Variants in PHETA1 observed in about 807,000 individuals in gnomAD.
The protein encoded by PHETA1 is sesquipedalian-1.
For missense variants in PHETA1, 348 were observed against 373.5 expected (o/e 0.93, Z 0.56); for synonymous variants, 155 against 168.9 (o/e 0.92, Z 0.64).
In PHETA1 at chr12:111,363,280, C is replaced by T. The variant is rs1335840502; in HGVS notation, c.148G>A (p.Glu50Lys). 3.7e-6 allele frequency: 6 copies of T among 1,613,008 alleles called. No homozygotes were observed. Among genetic ancestry groups the T allele is most frequent in the African/African-American group, 1.3e-5 (1 of 74,938 alleles). ...VLRGNMLFYF[E>K]DAASREPVGV... ...ACGGGCTCACGGCTGGCAGCGTCCT[C>T]GAAGTAGAAGAGCATGTTCCCGCGC... The change falls in exon 3 of 3, where the codon GAG becomes AAG. Residue 50 changes from glutamate (E) to lysine (K), a missense_variant. Glu to Lys is a moderately conservative substitution (Grantham distance 56). Transcript: ENST00000683047. The surrounding 1 kb of genome is among the most constrained non-coding windows in gnomAD (Gnocchi z 7.4).
In PHETA1 at chr12:111,362,497, G is replaced by C; in HGVS notation, c.*181C>G. 6.9e-7 allele frequency: 1 copy of C among 1,452,736 alleles called. No individual in the cohort carries two copies. The highest frequency in any genetic ancestry group is 9.1e-7 in the Non-Finnish European group (1 of 1,094,694). 90.0% of individuals were successfully genotyped at this position (1,452,736 alleles called of 1,614,324 possible). ...CCTTCTGGGTCACATGGTCCTAAAG[G>C]CCCACTCAGAATCCAGCACCTTCTC... is the stretch of plus-strand genomic sequence containing the variant. On this transcript the variant is annotated 3_prime_UTR_variant, in exon 3 of 3. Transcript: ENST00000683047.
chr12:111,362,102 C>T lies in PHETA1; in HGVS notation c.*576G>A, dbSNP rs1264922913. On this transcript the variant is annotated 3_prime_UTR_variant, in exon 3 of 3. Transcript: ENST00000683047. ...TCCGGTCCTGCACTAACACCTGCACCTGTGTCCCCAGTCACTACCCTCCCA... is the reference window on the plus strand; with the variant it reads ...TCCGGTCCTGCACTAACACCTGCACTTGTGTCCCCAGTCACTACCCTCCCA... 11 of 430,366 alleles carry T rather than the reference C, an allele frequency of 2.6e-5. No homozygotes were observed. Among genetic ancestry groups the T allele is most frequent in the South Asian group, 1.8e-4 (11 of 60,598 alleles). The allele number at this position is 430,366 out of a possible 1,614,324, so 26.7% of individuals were successfully genotyped here.
At position 111,368,921 on chromosome 12, in the gene PHETA1, C is replaced by T. The variant is rs1593009052; in HGVS notation, c.-191G>A. 6.6e-6 allele frequency: 1 copy of T among 152,512 alleles called. No individual in the cohort carries two copies. Among genetic ancestry groups the T allele is most frequent in the Non-Finnish European group, 1.5e-5 (1 of 68,158 alleles). 9.4% of individuals were successfully genotyped at this position (152,512 alleles called of 1,614,324 possible). A position where few individuals can be genotyped will look rare whatever the true frequency, so the allele number is the denominator to read the frequency against. On this transcript the variant is annotated 5_prime_UTR_variant, in exon 1 of 3. Transcript: ENST00000683047. The surrounding 1 kb of genome is among the most constrained non-coding windows in gnomAD (Gnocchi z 5.0). Reference sequence around the variant, plus strand: ...GCCAGGCCCGCCTTACCTCGCAGCGCAGGCCTAGGGCGGCGACGGGACGGG... The same window carrying T: ...GCCAGGCCCGCCTTACCTCGCAGCGTAGGCCTAGGGCGGCGACGGGACGGG...
At position 111,362,808 on chromosome 12, in the gene PHETA1, G is replaced by T; in HGVS notation, c.620C>A (p.Pro207Gln). Residue 207 changes from proline to glutamine, a missense_variant, in exon 3 of 3, where the codon CCG becomes CAG. Transcript: ENST00000683047. ...FRPGPEPPPP[P>Q]PRRRASAPHG... ...GGGTGCCGAGGCCCGGCGGCGAGGC[G>T]GTGGTGGAGGGGGCTCGGGTCCAGG... is the stretch of plus-strand genomic sequence containing the variant. 1 of 1,539,076 alleles carries T rather than the reference G, an allele frequency of 6.5e-7. No homozygotes were observed.
At position 111,361,729 on chromosome 12, in the gene PHETA1, C is replaced by A; in HGVS notation, c.*949G>T. The A allele has an allele frequency of 2.8e-6, 1 of 359,380 alleles. No individual in the cohort carries two copies. Among genetic ancestry groups the A allele is most frequent in the South Asian group, 2.1e-5 (1 of 48,510 alleles). The allele number at this position is 359,380 out of a possible 1,614,324, so 22.3% of individuals were successfully genotyped here. A position where few individuals can be genotyped will look rare whatever the true frequency, so the allele number is the denominator to read the frequency against. On this transcript the variant is annotated 3_prime_UTR_variant, in exon 3 of 3. Transcript: ENST00000683047. ...CACACTCGGTGTGCGGCTTTTTCTCCGCCACTAGGTCAGCACCTGGGCCTT... is the reference window on the plus strand; with the variant it reads ...CACACTCGGTGTGCGGCTTTTTCTCAGCCACTAGGTCAGCACCTGGGCCTT...
In PHETA1 at chr12:111,363,767, C is replaced by A; in HGVS notation, c.-36-304G>T. 1 of 1,428,636 alleles carries A rather than the reference C, an allele frequency of 7.0e-7. No homozygotes were observed. Among genetic ancestry groups the A allele is most frequent in the South Asian group, 1.2e-5 (1 of 82,054 alleles). 88.5% of individuals were successfully genotyped at this position (1,428,636 alleles called of 1,614,324 possible). A position where few individuals can be genotyped will look rare whatever the true frequency, so the allele number is the denominator to read the frequency against. ...AGAGGAATGAACTCACTTTATCTCA[C>A]AATAGACCTTAGGTCACAGGGACTG... On this transcript the variant is annotated intron_variant, in intron 2 of 2. Transcript: ENST00000683047. The surrounding 1 kb of genome is among the most constrained non-coding windows in gnomAD (Gnocchi z 7.4).
intron 2 of PHETA1, among the ~76,000 whole-genome samples, chr12:111,364,998 G>A (rs1389025131): frequency 6.6e-6 from 1 of 152,166 alleles, no homozygotes; most frequent in African/African-American, 2.4e-5. Context: ...GAGGGGCAGG[G>A]GGTCGACCCG....
chr12:111,365,311 G>A (rs1868963746), intron 2 of PHETA1, among the ~76,000 whole-genome samples: 1 of 152,208 alleles, frequency 6.6e-6, no homozygotes, highest in Non-Finnish European at 1.5e-5. Context: ...CCTGGGTGGT[G>A]TCTTTCTCAG....
In PHETA1 at chr12:111,363,362, G is replaced by A. The variant is rs764762942; in HGVS notation, c.66C>T (p.Gly22=). 6.2e-7 allele frequency: 1 copy of A among 1,613,164 alleles called. No homozygotes were observed. The highest frequency in any genetic ancestry group is 1.3e-5 in the African/African-American group (1 of 75,060). The change falls in exon 3 of 3, where the codon GGC becomes GGT. Residue 22 remains glycine (G), a synonymous_variant. Coordinates refer to ENST00000683047, the MANE Select transcript of PHETA1 (RefSeq NM_144671.6). This position sits in a 1 kb window ranked among gnomAD's most constrained non-coding sequence, Gnocchi z 7.4. ...ATCDAPVDNA[G]FLYKKGGRHA... ...GCCGCCCACCCTTCTTGTACAGGAA[G>A]CCTGCATTGTCCACCGGGGCGTCAC...
At position 111,362,484 on chromosome 12, in the gene PHETA1, C is replaced by T. The variant is rs1323507934; in HGVS notation, c.*194G>A. The T allele has an allele frequency of 7.2e-7, 1 of 1,392,958 alleles. No homozygotes were observed. The allele number at this position is 1,392,958 out of a possible 1,614,324, so 86.3% of individuals were successfully genotyped here. ...CCTCAAGGGTAGGCCTTCTGGGTCA[C>T]ATGGTCCTAAAGGCCCACTCAGAAT... is the stretch of plus-strand genomic sequence containing the variant. On this transcript the variant is annotated 3_prime_UTR_variant, in exon 3 of 3. Coordinates refer to ENST00000683047, the MANE Select transcript of PHETA1 (RefSeq NM_144671.6).
In PHETA1 at chr12:111,361,528, C is replaced by T. The variant is rs905181890; in HGVS notation, c.*1150G>A. ...GGGTGAGGGCCAGGAGGTGTCCCAG[C>T]CCCGAGGTTCTCCCTGGATGAAAAA... On this transcript the variant is annotated 3_prime_UTR_variant, in exon 3 of 3. Coordinates refer to ENST00000683047, the MANE Select transcript of PHETA1 (RefSeq NM_144671.6). The T allele has an allele frequency of 8.6e-6, 2 of 231,670 alleles. No homozygotes were observed. Among genetic ancestry groups the T allele is most frequent in the African/African-American group, 4.5e-5 (2 of 44,260 alleles). 14.4% of individuals were successfully genotyped at this position (231,670 alleles called of 1,614,324 possible).
In PHETA1 at chr12:111,368,005, A is replaced by T. The variant is rs1375869283; in HGVS notation, c.-182+907T>A. Among the ~76,000 whole-genome samples the T allele has an allele frequency of 6.6e-6, 1 of 152,196 alleles. No homozygotes were observed. Among genetic ancestry groups the T allele is most frequent in the Non-Finnish European group, 1.5e-5 (1 of 68,030 alleles). On this transcript the variant is annotated intron_variant, in intron 1 of 2. Transcript: ENST00000683047. This position sits in a 1 kb window ranked among gnomAD's most constrained non-coding sequence, Gnocchi z 5.0. ...AAGTCTCAGTGTCCTCATCTGTTAA[A>T]TTGGGCTGTGTGGCGAGGGTTCATG...
At position 111,362,647 on chromosome 12, in the gene PHETA1, G is replaced by T. The variant is rs1197076835; in HGVS notation, c.*31C>A. The T allele has an allele frequency of 3.9e-6, 6 of 1,549,094 alleles. No homozygotes were observed. Among genetic ancestry groups the T allele is most frequent in the African/African-American group, 1.4e-5 (1 of 73,188 alleles). On this transcript the variant is annotated 3_prime_UTR_variant, in exon 3 of 3. Coordinates refer to ENST00000683047, the MANE Select transcript of PHETA1 (RefSeq NM_144671.6). ...GCCTGTCCCAGAGGGCATAGAGCTTGTGTCCCCCTAAAACAGGCGCCCTGG... is the reference window on the plus strand; with the variant it reads ...GCCTGTCCCAGAGGGCATAGAGCTTTTGTCCCCCTAAAACAGGCGCCCTGG...
intron 2 of PHETA1, chr12:111,365,773 G>A (rs1322634157): frequency 3.4e-6 from 1 of 297,596 alleles, no homozygotes; most frequent in Non-Finnish European, 6.6e-6. Context: ...GGGATCGGGG[G>A]TGAGGGGAGG....
Position 111,361,833 on chromosome 12 carries a change from G to A in PHETA1, c.*845C>T. The A allele has an allele frequency of 2.2e-6, 1 of 454,342 alleles. No homozygotes were observed. The highest frequency in any genetic ancestry group is 4.4e-6 in the Non-Finnish European group (1 of 225,824). 28.1% of individuals were successfully genotyped at this position (454,342 alleles called of 1,614,324 possible). A position where few individuals can be genotyped will look rare whatever the true frequency, so the allele number is the denominator to read the frequency against. On this transcript the variant is annotated 3_prime_UTR_variant, in exon 3 of 3. Coordinates refer to ENST00000683047, the MANE Select transcript of PHETA1 (RefSeq NM_144671.6). ...GGTCACCTCGGGCCATGGCTACCCAGCCCAGGAAGGGAGGTCAGGCAAGCT... is the reference window on the plus strand; with the variant it reads ...GGTCACCTCGGGCCATGGCTACCCAACCCAGGAAGGGAGGTCAGGCAAGCT...
intron 2 of PHETA1, chr12:111,365,524 C>A (rs751809447): frequency 4.4e-6 from 2 of 455,922 alleles, no homozygotes; most frequent in South Asian, 3.1e-5. Context: ...AAATGCCCAT[C>A]AATGATAGAC....
chr12:111,363,116 C>T lies in PHETA1; in HGVS notation c.312G>A (p.Trp104Ter), dbSNP rs1194451380. The change falls in exon 3 of 3, where the codon TGG (tryptophan) becomes TGA (stop). Residue 104 changes from tryptophan to a stop codon, truncating the protein, a stop_gained. Transcript: ENST00000683047. LOFTEE classifies it low-confidence loss of function (END_TRUNC). The surrounding 1 kb of genome is among the most constrained non-coding windows in gnomAD (Gnocchi z 7.4). ...AAESQDAMEGWVKALSRASFD... is the reference protein window; with the variant it reads ...AAESQDAMEG Reference sequence around the variant, plus strand: ...AGCTGGCACGCGACAGGGCCTTGACCCAGCCCTCCATGGCATCCTGACTCT... The same window carrying T: ...AGCTGGCACGCGACAGGGCCTTGACTCAGCCCTCCATGGCATCCTGACTCT... 6.2e-7 allele frequency: 1 copy of T among 1,606,690 alleles called. No individual in the cohort carries two copies. The highest frequency in any genetic ancestry group is 8.5e-7 in the Non-Finnish European group (1 of 1,179,028).
Position 111,361,852 on chromosome 12 carries a change from G to A in PHETA1, c.*826C>T. The A allele has an allele frequency of 2.2e-6, 1 of 455,644 alleles. No homozygotes were observed. Among genetic ancestry groups the A allele is most frequent in the Non-Finnish European group, 4.4e-6 (1 of 226,578 alleles). 28.2% of individuals were successfully genotyped at this position (455,644 alleles called of 1,614,324 possible). On this transcript the variant is annotated 3_prime_UTR_variant, in exon 3 of 3. Coordinates refer to ENST00000683047, the MANE Select transcript of PHETA1 (RefSeq NM_144671.6). ...TACCCAGCCCAGGAAGGGAGGTCAG[G>A]CAAGCTCCCAAGGGGCCCCAGGCCT...
At chr12:111,366,028 C>A in intron 2 of PHETA1, 85 bp downstream of exon 2, 1 of 166,324 alleles carries the variant, frequency 6.0e-6, no homozygotes, top group Middle Eastern at 8.1e-4. Context: ...GCATTCCCCA[C>A]ACCACCACCC....
Sources: gnomAD v4.1 joint callset for allele counts (sites outside exome capture counted in the v4.1 genomes callset) on GRCh38, gnomAD v4.1.1 for gene constraint, Gnocchi (gnomAD v3.1) non-coding constraint, MANE v1.5 for transcripts, NCBI Gene and HGNC (gene_info 2026-07-23, HGNC 2026-07-21) for gene names.